The following OLFM2 variants were observed in gnomAD, a reference collection of about 807,000 sequenced individuals.
The protein encoded by OLFM2 is noelin-2.
In OLFM2, 20 loss-of-function variants were observed where a neutral mutation model predicts 43.9. The observed-to-expected ratio is 0.46, with a 90% CI of 0.32 to 0.66. The LOEUF (loss-of-function observed/expected upper bound fraction) is 0.66, where lower values mean the gene tolerates loss of function less well. OLFM2 is among the 30% of genes least tolerant of loss of function. OLFM2 has a pLI of 0.04. For synonymous variants in OLFM2, 268 were observed against 278.6 expected (o/e 0.96, Z 0.38); for missense variants, 416 against 643.6 (o/e 0.65, Z 3.83).
At chr19:9,863,373 C>T (rs1278644425) in intron 1 of OLFM2, among the ~76,000 whole-genome samples, 3 of 151,910 alleles carry the variant, frequency 2.0e-5, no homozygotes, top group Non-Finnish European at 4.4e-5. Flanking sequence ...CGAGACGTGA[C>T]CTTACTTGGG....
intron 1 of OLFM2, among the ~76,000 whole-genome samples, chr19:9,922,538 T>C (rs2086427667): frequency 6.6e-6 from 1 of 151,846 alleles, no homozygotes; most frequent in South Asian, 2.1e-4. Context: ...CTAGGCAGCA[T>C]AACCAGACCC....
At chr19:9,919,997 G>A (rs1467490555) in intron 1 of OLFM2, among the ~76,000 whole-genome samples, 1 of 146,756 alleles carries the variant, frequency 6.8e-6, no homozygotes, top group Non-Finnish European at 1.5e-5. Flanking sequence ...TAGAGGTAGG[G>A]TTTCACCATG....
chr19:9,867,858 A>C (rs2046414374), intron 1 of OLFM2, among the ~76,000 whole-genome samples: 1 of 152,176 alleles, frequency 6.6e-6, no homozygotes, highest in East Asian at 1.9e-4. Context: ...AAAATTGGAC[A>C]ATTAGAAATT....
chr19:9,884,425 A>G (rs572274695), intron 1 of OLFM2, among the ~76,000 whole-genome samples: 7 of 151,912 alleles, frequency 4.6e-5, no homozygotes, highest in Non-Finnish European at 7.4e-5. Context: ...AAAATATATA[A>G]AATTAGCCGG....
Position 9,861,983 on chromosome 19 carries a change from G to A in OLFM2, c.64-1189C>T, listed in dbSNP as rs8107056. On this transcript the variant is annotated intron_variant, in intron 1 of 5. Coordinates refer to ENST00000264833, the MANE Select transcript of OLFM2 (RefSeq NM_058164.4). ...TGCAGTGAGCTGAGACTGCGCCACT[G>A]CGCTCCAGCCTGGGCGACAGAGCAA... is the stretch of plus-strand genomic sequence containing the variant. Among the ~76,000 whole-genome samples the A allele has an allele frequency of 7.3e-3, 1,099 of 149,720 alleles. 18 individuals are homozygous for A. Among genetic ancestry groups the A allele is most frequent in the African/African-American group, 0.026 (1,062 of 40,598 alleles).
intron 1 of OLFM2, among the ~76,000 whole-genome samples, chr19:9,933,468 C>T (rs1223270463): frequency 6.6e-6 from 1 of 151,934 alleles, no homozygotes; most frequent in African/African-American, 2.4e-5. Flanking sequence ...AAACTCCTGA[C>T]CTCAAGTGAT....
chr19:9,888,643 T>C (rs764102671), intron 1 of OLFM2, among the ~76,000 whole-genome samples: 5 of 152,122 alleles, frequency 3.3e-5, no homozygotes, highest in Non-Finnish European at 5.9e-5. Flanking sequence ...ATGCATTAAT[T>C]TTGCAAATTA....
Position 9,854,558 on chromosome 19 carries a change from C to G in OLFM2, c.993G>C (p.Gly331=), listed in dbSNP as rs780133531. 6.2e-7 allele frequency: 1 copy of G among 1,613,876 alleles called. No individual in the cohort carries two copies. The highest frequency in any genetic ancestry group is 8.5e-7 in the Non-Finnish European group (1 of 1,180,040). The change falls in exon 6 of 6, where the codon GGG becomes GGC. Residue 331 remains glycine, a synonymous_variant. Coordinates refer to ENST00000264833, the MANE Select transcript of OLFM2 (RefSeq NM_058164.4). This position sits in a 1 kb window ranked among gnomAD's most constrained non-coding sequence, Gnocchi z 9.5. ...SDMDFMVDES[G]LWAVYTTNQN... is the part of the protein sequence containing the mutation. ...GGTTGGTGGTGTACACAGCCCAGAGCCCGCTCTCGTCCACCATGAAGTCCA... is the reference window on the plus strand; with the variant it reads ...GGTTGGTGGTGTACACAGCCCAGAGGCCGCTCTCGTCCACCATGAAGTCCA...
chr19:9,922,703 A>C (rs537941943), intron 1 of OLFM2, among the ~76,000 whole-genome samples: 9 of 152,178 alleles, frequency 5.9e-5, no homozygotes, highest in African/African-American at 1.9e-4. Context: ...GGATTGCTTG[A>C]GCTCAGGAGT....
At chr19:9,892,556 C>T (rs956537415) in intron 1 of OLFM2, among the ~76,000 whole-genome samples, 6 of 151,950 alleles carry the variant, frequency 3.9e-5, no homozygotes, top group Non-Finnish European at 7.4e-5. Flanking sequence ...ACTAAAAATA[C>T]GAAAATTAGC....
chr19:9,900,316 A>G (rs994114180), intron 1 of OLFM2, among the ~76,000 whole-genome samples: 2 of 152,130 alleles, frequency 1.3e-5, no homozygotes, highest in Non-Finnish European at 2.9e-5. Context: ...CAGCTGGAGC[A>G]GGGAAGGAGA....
intron 1 of OLFM2, among the ~76,000 whole-genome samples, chr19:9,896,201 T>C (rs934561441): frequency 2.1e-5 from 3 of 144,734 alleles, no homozygotes; most frequent in Admixed American, 7.2e-5. Context: ...CCCGGGTTCA[T>C]GCCATTCTCC....
intron 1 of OLFM2, among the ~76,000 whole-genome samples, chr19:9,905,708 T>A (rs1056254984): frequency 2.6e-5 from 4 of 152,006 alleles, no homozygotes; most frequent in African/African-American, 9.7e-5. Context: ...TTGGCTCCTC[T>A]TGGAAGCTGT....
At chr19:9,913,467 C>T (rs1384541106) in intron 1 of OLFM2, 3 of 1,064,506 alleles carry the variant, frequency 2.8e-6, no homozygotes, top group Non-Finnish European at 2.3e-6. Context: ...GCGCCCCCCG[C>T]GCGGCGGCCA....
At position 9,936,297 on chromosome 19, in the gene OLFM2, C is replaced by T; in HGVS notation, c.63+7G>A. 1 of 1,528,314 alleles carries T rather than the reference C, an allele frequency of 6.5e-7. No homozygotes were observed. Among genetic ancestry groups the T allele is most frequent in the South Asian group, 1.2e-5 (1 of 83,710 alleles). 94.7% of individuals were successfully genotyped at this position (1,528,314 alleles called of 1,614,324 possible). On this transcript the variant is annotated splice_region_variant and intron_variant, in intron 1 of 5. Coordinates refer to ENST00000264833, the MANE Select transcript of OLFM2 (RefSeq NM_058164.4). ...CCCGCGCCCGCACCTGCCCGCCGGG[C>T]CCCTACCTGTCCGGCCAGGCCTGAG...
rs1157334560 is a variant in OLFM2 at position 9,913,564 on chromosome 19, G to A, written c.63+22740C>T. 12 of 1,264,694 alleles carry A rather than the reference G, an allele frequency of 9.5e-6. No individual in the cohort carries two copies. The African/African-American group carries it at 1.9e-4, about 20-fold the overall frequency. 78.3% of individuals were successfully genotyped at this position (1,264,694 alleles called of 1,614,324 possible). ...GCAGCGTCTGCGACATCCAGTTGGT[G>A]ACCATGGCCATGGTGCTCAGCACGG... On this transcript the variant is annotated intron_variant, in intron 1 of 5. Transcript: ENST00000264833.
chr19:9,875,528 T>G (rs1411329718), intron 1 of OLFM2, among the ~76,000 whole-genome samples: 1 of 149,902 alleles, frequency 6.7e-6, no homozygotes, highest in African/African-American at 2.5e-5. Flanking sequence ...TTTTTTTTTT[T>G]GAGACAGGCT....
Position 9,854,635 on chromosome 19 carries a change from C to T in OLFM2, c.916G>A (p.Gly306Ser), listed in dbSNP as rs1440685991. The T allele has an allele frequency of 1.2e-6, 2 of 1,614,170 alleles. No individual in the cohort carries two copies. Among genetic ancestry groups the T allele is most frequent in the South Asian group, 1.1e-5 (1 of 91,088 alleles). Residue 306 changes from glycine (G) to serine (S), a missense_variant, in exon 6 of 6, where the codon GGC becomes AGC. Physicochemically the swap from Gly to Ser is moderately conservative, Grantham distance 56. Coordinates refer to ENST00000264833, the MANE Select transcript of OLFM2 (RefSeq NM_058164.4). This position sits in a 1 kb window ranked among gnomAD's most constrained non-coding sequence, Gnocchi z 9.5. ...RSVLVQRSLP[G>S]AGYNNTFPYS... Reference sequence around the variant, plus strand: ...GGGAAGGTGTTGTTGTAACCGGCGCCCGGGAGGCTCCTCTGCACCAGCACA... The same window carrying T: ...GGGAAGGTGTTGTTGTAACCGGCGCTCGGGAGGCTCCTCTGCACCAGCACA...
intron 1 of OLFM2, among the ~76,000 whole-genome samples, chr19:9,875,671 T>TG (rs56205341): frequency 1.4e-5 from 2 of 140,940 alleles, no homozygotes; most frequent in South Asian, 2.3e-4. Context: ...TTGTTGTTGT[T>TG]TTTCTTTTGT....
Sources: allele counts gnomAD v4.1 joint callset (sites outside exome capture counted in the v4.1 genomes callset), GRCh38; gene constraint gnomAD v4.1.1; non-coding constraint Gnocchi (gnomAD v3.1); transcripts MANE v1.5; gene names NCBI Gene and HGNC (gene_info 2026-07-23, HGNC 2026-07-21).